Variants in SIRT5 observed in about 807,000 individuals in gnomAD.
SIRT5 encodes the protein sirtuin 5, also known as NAD-dependent protein deacylase sirtuin-5, mitochondrial.
SIRT5 carries 26 observed loss-of-function variants against 40.0 expected under a neutral mutation model. That is an observed-to-expected ratio of 0.65 (90% CI 0.48 to 0.90). The LOEUF (loss-of-function observed/expected upper bound fraction) is 0.90. SIRT5 is among the 40% of genes least tolerant of loss of function. SIRT5 has a pLI of 0.00. For synonymous variants in SIRT5, 146 were observed against 149.1 expected, an observed-to-expected ratio of 0.98 and a Z score of 0.15; for missense variants, 401 against 402.4, an observed-to-expected ratio of 1.00 and a Z score of 0.03.
chr6:13,610,851 C>T (rs1041506384), intron 9 of SIRT5, among the ~76,000 whole-genome samples: 6 of 152,126 alleles, frequency 3.9e-5, no homozygotes, highest in Admixed American at 1.3e-4. Context: ...ATAAGGCAGT[C>T]ACTATTTGTA....
chr6:13,584,058 T>C lies in SIRT5; in HGVS notation c.-35-18T>C. ...GCTGATTGTTTCTACACTATTTGTTTTTGTGATTTTTCTAAAGCCCGCCTC... is the reference window on the plus strand; with the variant it reads ...GCTGATTGTTTCTACACTATTTGTTCTTGTGATTTTTCTAAAGCCCGCCTC... On this transcript the variant is annotated intron_variant, in intron 2 of 9. Coordinates refer to ENST00000606117, the MANE Select transcript of SIRT5 (RefSeq NM_012241.5). 1.6e-6 allele frequency: 2 copies of C among 1,233,680 alleles called. No individual in the cohort carries two copies. Among genetic ancestry groups the C allele is most frequent in the Middle Eastern group, 2.2e-4 (1 of 4,590 alleles). The allele number at this position is 1,233,680 out of a possible 1,614,324, so 76.4% of individuals were successfully genotyped here.
intron 9 of SIRT5, among the ~76,000 whole-genome samples, chr6:13,601,838 TAA>T (rs1020985359): frequency 8.4e-5 from 12 of 142,604 alleles, no homozygotes; most frequent in Non-Finnish European, 4.6e-5. Context: ...TGCTGGGATT[TAA>T]AAAAAAAAAA....
intron 9 of SIRT5, among the ~76,000 whole-genome samples, chr6:13,602,769 CA>C (rs1762570654): frequency 6.6e-6 from 1 of 152,052 alleles, no homozygotes; most frequent in African/African-American, 2.4e-5. Context: ...CACACCATTA[CA>C]AAAAATAACC....
Position 13,608,169 on chromosome 6 carries a change from T to C in SIRT5, c.858-3621T>C, listed in dbSNP as rs1214790017. Among the ~76,000 whole-genome samples, 3 of 152,252 alleles carry C rather than the reference T, an allele frequency of 2.0e-5. No homozygotes were observed. In the East Asian group the frequency reaches 5.8e-4, roughly 29 times the overall value. ...TACATACCACCATCCATTTACAAAA[T>C]AAATATACAAGCCCTTCCTTAACAA... On this transcript the variant is annotated intron_variant, in intron 9 of 9. Coordinates refer to ENST00000606117, the MANE Select transcript of SIRT5 (RefSeq NM_012241.5).
chr6:13,606,722 C>T (rs996418163), intron 9 of SIRT5, among the ~76,000 whole-genome samples: 7 of 152,150 alleles, frequency 4.6e-5, no homozygotes, highest in Middle Eastern at 3.2e-3. Flanking sequence ...TGCTCTGTTG[C>T]CCAGGCTGGA....
At chr6:13,608,145 A>G (rs1763364580) in intron 9 of SIRT5, among the ~76,000 whole-genome samples, 1 of 152,250 alleles carries the variant, frequency 6.6e-6, no homozygotes, top group African/African-American at 2.4e-5. Flanking sequence ...ACTATCTGGT[A>G]CATACCACCA....
chr6:13,575,182 T>C (rs546355246), intron 1 of SIRT5, among the ~76,000 whole-genome samples: 4 of 152,026 alleles, frequency 2.6e-5, no homozygotes, highest in African/African-American at 9.6e-5. Flanking sequence ...AAGCTGCCTC[T>C]TGGACACAGG....
At chr6:13,606,735 G>A (rs1403215246) in intron 9 of SIRT5, among the ~76,000 whole-genome samples, 1 of 152,140 alleles carries the variant, frequency 6.6e-6, no homozygotes, top group Non-Finnish European at 1.5e-5. Context: ...AGGCTGGAGT[G>A]CAGTGGCGCA....
intron 2 of SIRT5, among the ~76,000 whole-genome samples, chr6:13,583,041 A>G (rs1759559544): frequency 6.6e-6 from 1 of 151,932 alleles, no homozygotes. Context: ...CCCTGTCTCT[A>G]CCAAAAATAC....
intron 9 of SIRT5, among the ~76,000 whole-genome samples, chr6:13,611,248 T>G (rs6458978): frequency 1.6e-5 from 2 of 121,398 alleles, no homozygotes; most frequent in Non-Finnish European, 1.8e-5. Flanking sequence ...CACACACACA[T>G]ACACACACAC....
At chr6:13,611,236 T>C (rs533741126) in intron 9 of SIRT5, among the ~76,000 whole-genome samples, 5,301 of 92,932 alleles carry the variant, frequency 0.057, 264 homozygotes, top group South Asian at 0.18. Context: ...TATATATATA[T>C]ACACACACAC....
chr6:13,595,292 T>G (rs532008207), intron 5 of SIRT5, among the ~76,000 whole-genome samples, 185 bp from the exon 6 acceptor site: 2 of 152,306 alleles, frequency 1.3e-5, no homozygotes, highest in South Asian at 4.1e-4. Context: ...GAGGATCGCT[T>G]GAGCCCATGA....
chr6:13,610,517 T>C (rs1296532430), intron 9 of SIRT5, among the ~76,000 whole-genome samples: 1 of 152,216 alleles, frequency 6.6e-6, no homozygotes, highest in African/African-American at 2.4e-5. Context: ...ACACTCCCTC[T>C]ATTTCACACT....
intron 9 of SIRT5, among the ~76,000 whole-genome samples, chr6:13,611,442 T>TA (rs986909852): frequency 3.3e-5 from 5 of 151,784 alleles, no homozygotes; most frequent in African/African-American, 1.2e-4. Context: ...AGTCCCAAAA[T>TA]ACACTTTACT....
chr6:13,580,453 C>G lies in SIRT5; in HGVS notation c.-36+844C>G, dbSNP rs550419000. Among the ~76,000 whole-genome samples the G allele has an allele frequency of 2.6e-5, 4 of 152,190 alleles. No homozygotes were observed. In the South Asian group the frequency reaches 8.3e-4, roughly 32 times the overall value. On this transcript the variant is annotated intron_variant, in intron 2 of 9. Coordinates refer to ENST00000606117, the MANE Select transcript of SIRT5 (RefSeq NM_012241.5). The stretch of plus-strand genomic sequence containing the variant: ...AAAATTTCTCTGCTCCCCCTTACTC[C>G]CCCGACCCCTGTCCCTGGAAACCAC...
chr6:13,611,984 C>G lies in SIRT5; in HGVS notation c.*119C>G, dbSNP rs117900898. On this transcript the variant is annotated 3_prime_UTR_variant, in exon 10 of 10. Transcript: ENST00000606117. ...CAATCTAAAAATAGCCTCTGATTCC[C>G]TCGCTGGAATCCAACCTGTTGATAA... The G allele has an allele frequency of 5.5e-6, 5 of 901,448 alleles. No homozygotes were observed. The highest frequency in any genetic ancestry group is 8.6e-6 in the Non-Finnish European group (5 of 583,224). The allele number at this position is 901,448 out of a possible 1,614,324, so 55.8% of individuals were successfully genotyped here.
intron 4 of SIRT5, 83 bp downstream of exon 4, chr6:13,588,547 G>A (rs1004703006): frequency 1.4e-6 from 2 of 1,462,478 alleles, no homozygotes; most frequent in Middle Eastern, 1.8e-4. Flanking sequence ...ACCGATCCCC[G>A]AAACCCCAGG....
At chr6:13,590,217 C>T (rs894980163) in intron 4 of SIRT5, among the ~76,000 whole-genome samples, 5 of 152,256 alleles carry the variant, frequency 3.3e-5, no homozygotes, top group African/African-American at 1.2e-4. Context: ...CATGCAACTG[C>T]GTAACACCCC....
intron 2 of SIRT5, among the ~76,000 whole-genome samples, chr6:13,581,342 G>C (rs1190137834): frequency 6.6e-6 from 1 of 152,136 alleles, no homozygotes; most frequent in African/African-American, 2.4e-5. Flanking sequence ...GGCCAGTTTT[G>C]CTGTAGAGTG....
Sources: gnomAD v4.1 joint callset for allele counts (sites outside exome capture counted in the v4.1 genomes callset) on GRCh38, gnomAD v4.1.1 for gene constraint, MANE v1.5 for transcripts, NCBI Gene and HGNC (gene_info 2026-07-23, HGNC 2026-07-21) for gene names.